Variants in PCSK6 observed in about 807,000 individuals in gnomAD.
PCSK6 encodes proprotein convertase subtilisin/kexin type 6.
In PCSK6, 85 loss-of-function variants were observed where a neutral mutation model predicts 123.3. The ratio of observed to expected loss-of-function variants is 0.69; its 90% CI spans 0.58 to 0.83. The LOEUF is 0.83. Ranked by LOEUF, PCSK6 falls within the 40% of genes least tolerant of loss-of-function variation. The pLI is 0.00. For missense variants in PCSK6, 1,191 were observed against 1,282.3 expected, an observed-to-expected ratio of 0.93 and a Z score of 1.09; for synonymous variants, 508 against 516.0, an observed-to-expected ratio of 0.98 and a Z score of 0.21.
intron 7 of PCSK6, among the ~76,000 whole-genome samples, chr15:101,394,101 G>T (rs1055899023): frequency 8.6e-5 from 13 of 151,768 alleles, no homozygotes; most frequent in Non-Finnish European, 1.3e-4. Flanking sequence ...CAAGGCCAGG[G>T]CCTCATTTGT....
chr15:101,315,539 G>T (rs188859822), intron 19 of PCSK6, among the ~76,000 whole-genome samples: 244 of 152,364 alleles, frequency 1.6e-3, no homozygotes, highest in Non-Finnish European at 2.8e-3. Flanking sequence ...TGGAGCCTTT[G>T]TTCAGAAAGC....
intron 6 of PCSK6, among the ~76,000 whole-genome samples, chr15:101,399,242 C>G (rs1443207562): frequency 6.6e-6 from 1 of 152,222 alleles, no homozygotes. Context: ...GGCTTTCCAC[C>G]TCTCCCAGCT....
At chr15:101,328,941 G>C (rs1377468112) in intron 15 of PCSK6, among the ~76,000 whole-genome samples, 1 of 152,222 alleles carries the variant, frequency 6.6e-6, no homozygotes, top group East Asian at 1.9e-4. Flanking sequence ...AGCGTGTTCT[G>C]GTCCAGCTGC....
At chr15:101,463,759 T>A (rs1484029589) in intron 1 of PCSK6, among the ~76,000 whole-genome samples, 1 of 151,910 alleles carries the variant, frequency 6.6e-6, no homozygotes, top group African/African-American at 2.4e-5. Context: ...TGCCGGGGAG[T>A]TGGGGTGTGG....
intron 13 of PCSK6, among the ~76,000 whole-genome samples, chr15:101,339,741 A>G (rs2040556704): frequency 6.6e-6 from 1 of 152,076 alleles, no homozygotes; most frequent in Admixed American, 6.5e-5. Context: ...CTCCGTTTCT[A>G]CAAAAAATAA....
chr15:101,307,314 T>A lies in PCSK6; in HGVS notation c.2711A>T (p.Asn904Ile). Residue 904 changes from asparagine (N) to isoleucine (I), a missense_variant, in exon 21 of 22, where the codon AAC becomes ATC. By Grantham distance (149) the Asn-to-Ile change is moderately radical. This residue lies in a region of PCSK6 where 630 missense variants were observed against 631.4 expected (regional missense o/e 1.00). Coordinates refer to ENST00000611716, the MANE Select transcript of PCSK6 (RefSeq NM_002570.5). ...PHKVCRRCDENCLSCAGSSRN... is the reference protein window; with the variant it reads ...PHKVCRRCDEICLSCAGSSRN... ...GCTGGAGCCTGCACAGCTCAAGCAGTTCTCGTCACACCTGTGGGAAGATAC... is the reference window on the plus strand; with the variant it reads ...GCTGGAGCCTGCACAGCTCAAGCAGATCTCGTCACACCTGTGGGAAGATAC... 3 of 1,612,590 alleles carry A rather than the reference T, an allele frequency of 1.9e-6. No homozygotes were observed. Among genetic ancestry groups the A allele is most frequent in the Non-Finnish European group, 2.5e-6 (3 of 1,179,144 alleles).
Position 101,404,431 on chromosome 15 carries a change from C to T in PCSK6, c.824-5855G>A, listed in dbSNP as rs116563810. On this transcript the variant is annotated intron_variant, in intron 6 of 21. Coordinates refer to ENST00000611716, the MANE Select transcript of PCSK6 (RefSeq NM_002570.5). ...GTGGTCCATGTGCCTGCCATCCCATCTCCATGGCTGTGTCAGGGACACTGG... is the reference window on the plus strand; with the variant it reads ...GTGGTCCATGTGCCTGCCATCCCATTTCCATGGCTGTGTCAGGGACACTGG... Among the ~76,000 whole-genome samples, 186 of 152,318 alleles carry T rather than the reference C, an allele frequency of 1.2e-3. 1 individual carries two copies. The highest frequency in any genetic ancestry group is 4.4e-3 in the African/African-American group (183 of 41,566).
At position 101,358,996 on chromosome 15, in the gene PCSK6, G is replaced by A. The variant is rs532739933; in HGVS notation, c.1858+7200C>T. ...CCAGGCTCCCAGGCTAGCTCTCACT[G>A]TGCTTGGGGAGGATGCACAGAGCCT... On this transcript the variant is annotated intron_variant, in intron 13 of 21. Transcript: ENST00000611716. Among the ~76,000 whole-genome samples, 177 of 152,330 alleles carry A rather than the reference G, an allele frequency of 1.2e-3. 2 individuals carry two copies. Among genetic ancestry groups the A allele is most frequent in the Admixed American group, 4.6e-3 (71 of 15,308 alleles).
intron 7 of PCSK6, among the ~76,000 whole-genome samples, chr15:101,395,580 A>T (rs560639108): frequency 1.3e-5 from 2 of 152,304 alleles, no homozygotes; most frequent in East Asian, 3.9e-4. Context: ...AGATGTTTTA[A>T]CTGTCTCTGA....
Position 101,305,321 on chromosome 15 carries a change from G to A in PCSK6, c.2847C>T (p.Asn949=). The change falls in exon 22 of 22, where the codon AAC becomes AAT. Residue 949 remains asparagine, a synonymous_variant. Transcript: ENST00000611716. This position sits in a 1 kb window ranked among gnomAD's most constrained non-coding sequence, Gnocchi z 4.8. The part of the protein sequence containing the change: ...DETFCEMVKS[N]RLCERKLFIQ... ...TGAAGAGCTTCCGTTCGCACAGCCG[G>A]TTGGACTTCACCATCTCGCAGAATG... 2.5e-6 allele frequency: 4 copies of A among 1,612,856 alleles called. No individual in the cohort carries two copies. Among genetic ancestry groups the A allele is most frequent in the Non-Finnish European group, 3.4e-6 (4 of 1,179,830 alleles).
At chr15:101,346,931 G>A (rs1332790543) in intron 13 of PCSK6, 1 of 1,231,662 alleles carries the variant, frequency 8.1e-7, no homozygotes, top group Non-Finnish European at 1.0e-6. Context: ...CTCAAACGAG[G>A]AGAGTTTTGG....
At chr15:101,328,052 G>A (rs2040298107) in intron 15 of PCSK6, among the ~76,000 whole-genome samples, 1 of 152,144 alleles carries the variant, frequency 6.6e-6, no homozygotes, top group African/African-American at 2.4e-5. Flanking sequence ...CTCATCCTGG[G>A]TCATCTATGA....
At chr15:101,485,759 T>C (rs1034424470) in intron 1 of PCSK6, among the ~76,000 whole-genome samples, 1 of 152,216 alleles carries the variant, frequency 6.6e-6, no homozygotes. Context: ...CCTCCTCTTC[T>C]TTCCCAGAGT....
chr15:101,466,302 G>A (rs978142604), intron 1 of PCSK6, among the ~76,000 whole-genome samples: 30 of 152,160 alleles, frequency 2.0e-4, no homozygotes, highest in Non-Finnish European at 1.8e-4. Flanking sequence ...AGCCGTAAGG[G>A]AAATGCAAAC....
At chr15:101,333,631 T>C (rs2040414555) in intron 13 of PCSK6, among the ~76,000 whole-genome samples, 1 of 152,266 alleles carries the variant, frequency 6.6e-6, no homozygotes, top group South Asian at 2.1e-4. Flanking sequence ...TGTCTTTACA[T>C]ACCTGCCTAT....
chr15:101,463,680 T>C (rs749506119), intron 1 of PCSK6, among the ~76,000 whole-genome samples: 85 of 152,230 alleles, frequency 5.6e-4, no homozygotes, highest in Non-Finnish European at 1.0e-3. Flanking sequence ...TGTGAGTCTG[T>C]GTGTGTGAAT....
At chr15:101,421,212 C>T (rs1279022259) in intron 6 of PCSK6, among the ~76,000 whole-genome samples, 1 of 152,196 alleles carries the variant, frequency 6.6e-6, no homozygotes, top group Non-Finnish European at 1.5e-5. Flanking sequence ...TCTCAAAGTG[C>T]TGGGATTACA....
chr15:101,405,057 T>G (rs1447533867), intron 6 of PCSK6, among the ~76,000 whole-genome samples: 1 of 152,198 alleles, frequency 6.6e-6, no homozygotes, highest in Non-Finnish European at 1.5e-5. Flanking sequence ...CGCTTAGATC[T>G]TAATGAAGCA....
At chr15:101,353,766 G>A (rs12591632) in intron 13 of PCSK6, among the ~76,000 whole-genome samples, 1 of 152,114 alleles carries the variant, frequency 6.6e-6, no homozygotes, top group Non-Finnish European at 1.5e-5. Context: ...TTGGAGAGGC[G>A]TGGAGACCTC....
Sources: gnomAD v4.1 joint callset for allele counts (sites outside exome capture counted in the v4.1 genomes callset) on GRCh38, gnomAD v4.1.1 for gene constraint, gnomAD v4.1.1 regional missense constraint, Gnocchi (gnomAD v3.1) non-coding constraint, MANE v1.5 for transcripts, NCBI Gene and HGNC (gene_info 2026-07-23, HGNC 2026-07-21) for gene names.